SYN2: variants seen among roughly 807,000 people sequenced by gnomAD.
The protein encoded by SYN2 is synapsin II, also known as synapsin-2.
A neutral mutation model predicts 50.9 loss-of-function variants in SYN2; 19 were observed. That is an observed-to-expected ratio of 0.37 (90% CI 0.26 to 0.55). SYN2 has a LOEUF of 0.55. Ranked by LOEUF, SYN2 falls within the 20% of genes least tolerant of loss-of-function variation. SYN2 has a pLI of 0.81. For synonymous variants in SYN2, 255 were observed against 224.9 expected (o/e 1.13, Z -1.20); for missense variants, 587 against 576.4 (o/e 1.02, Z -0.19).
intron 1 of SYN2, among the ~76,000 whole-genome samples, chr3:12,053,554 A>G (rs1439696223): frequency 6.6e-6 from 1 of 152,192 alleles, no homozygotes; most frequent in East Asian, 1.9e-4. Flanking sequence ...TCTATCAAAC[A>G]TAATTATTCT....
At chr3:12,070,364 TG>T in intron 1 of SYN2, 1 of 516,830 alleles carries the variant, frequency 1.9e-6, no homozygotes. Context: ...ATGGTGGGCA[TG>T]GGTCAGAAGG....
rs867979118 is a variant in SYN2 at position 12,033,058 on chromosome 3, C to T, written c.377+28130C>T. ...TGATGGTGATGTACAGATGGGTTTT[C>T]GGTGTGGATGTCCTTTCTGTTTGTT... On this transcript the variant is annotated intron_variant, in intron 1 of 12. Coordinates refer to ENST00000621198, the MANE Select transcript of SYN2 (RefSeq NM_133625.6). Among the ~76,000 whole-genome samples, 634 of 147,748 alleles carry T rather than the reference C, an allele frequency of 4.3e-3. 7 individuals are homozygous for T. Among genetic ancestry groups the T allele is most frequent in the African/African-American group, 0.015 (582 of 39,560 alleles).
intron 12 of SYN2, among the ~76,000 whole-genome samples, chr3:12,188,011 GTGTTTC>G (rs1215973229): frequency 3.9e-5 from 1 of 25,890 alleles, no homozygotes; most frequent in East Asian, 1.1e-3. Context: ...TTCTTTGTGT[GTGTTTC>G]TTTCTTTGTA....
At chr3:12,145,949 A>T in intron 4 of SYN2, 114 bp downstream of exon 4, 9 of 1,443,244 alleles carry the variant, frequency 6.2e-6, no homozygotes, top group Non-Finnish European at 8.5e-6. Flanking sequence ...GGGTCCCTAC[A>T]TCTTCCAGGC....
Position 12,004,485 on chromosome 3 carries a change from C to A in SYN2, c.-67C>A. 2.4e-6 allele frequency: 1 copy of A among 420,012 alleles called. No homozygotes were observed. Among genetic ancestry groups the A allele is most frequent in the Admixed American group, 3.9e-5 (1 of 25,506 alleles). 26.0% of individuals were successfully genotyped at this position (420,012 alleles called of 1,614,324 possible). On this transcript the variant is annotated 5_prime_UTR_variant, in exon 1 of 13. Coordinates refer to ENST00000621198, the MANE Select transcript of SYN2 (RefSeq NM_133625.6). ...GCCTCAGTCGCCTCAATCTCGCCTT[C>A]CGCCCTCGCTCTCCCTCCGCGCCAC...
chr3:12,043,734 G>A (rs1164419286), intron 1 of SYN2, among the ~76,000 whole-genome samples: 1 of 152,146 alleles, frequency 6.6e-6, no homozygotes, highest in Admixed American at 6.5e-5. Flanking sequence ...AGTCAAAGGA[G>A]GGCCAGACAT....
rs772900245 is a variant in SYN2 at position 12,140,722 on chromosome 3, A to T, written c.435+14A>T. On this transcript the variant is annotated intron_variant, in intron 2 of 12. Coordinates refer to ENST00000621198, the MANE Select transcript of SYN2 (RefSeq NM_133625.6). ...AAGGTGGAACAGGTAATCAGCCTGAAGCCCAGAGCTGCATCCCCGTCATCA... is the reference window on the plus strand; with the variant it reads ...AAGGTGGAACAGGTAATCAGCCTGATGCCCAGAGCTGCATCCCCGTCATCA... 1.3e-6 allele frequency: 1 copy of T among 752,416 alleles called. No homozygotes were observed. 46.6% of individuals were successfully genotyped at this position (752,416 alleles called of 1,614,324 possible). A position where few individuals can be genotyped will look rare whatever the true frequency, so the allele number is the denominator to read the frequency against.
chr3:12,006,988 C>T (rs898930139), intron 1 of SYN2, among the ~76,000 whole-genome samples: 17 of 152,282 alleles, frequency 1.1e-4, no homozygotes, highest in Non-Finnish European at 5.9e-5. Context: ...ATTTCTTATC[C>T]TATTAAATGC....
chr3:12,106,514 G>C (rs757508186), intron 1 of SYN2, among the ~76,000 whole-genome samples: 13 of 152,134 alleles, frequency 8.5e-5, no homozygotes, highest in Non-Finnish European at 1.5e-4. Flanking sequence ...AGAGTCTTGA[G>C]AACAGGTTAG....
chr3:12,027,377 C>G (rs1694284522), intron 1 of SYN2, among the ~76,000 whole-genome samples: 1 of 152,142 alleles, frequency 6.6e-6, no homozygotes, highest in Non-Finnish European at 1.5e-5. Flanking sequence ...GGTTGGAAAT[C>G]AGGTTTCTAA....
At chr3:12,017,950 A>G (rs551186143) in intron 1 of SYN2, among the ~76,000 whole-genome samples, 1 of 152,374 alleles carries the variant, frequency 6.6e-6, no homozygotes, top group Admixed American at 6.5e-5. Flanking sequence ...AAGCTGACTT[A>G]TATGTGGAAA....
At chr3:12,117,183 C>A (rs1696453154) in intron 1 of SYN2, among the ~76,000 whole-genome samples, 1 of 152,180 alleles carries the variant, frequency 6.6e-6, no homozygotes, top group Non-Finnish European at 1.5e-5. Context: ...ACCCCATGTC[C>A]TTTTCCCCAC....
intron 1 of SYN2, among the ~76,000 whole-genome samples, chr3:12,011,711 C>T (rs906790231): frequency 2.0e-5 from 3 of 152,184 alleles, no homozygotes; most frequent in Admixed American, 6.5e-5. Flanking sequence ...ATGGCCTTAT[C>T]AGGTTTACAT....
At chr3:12,118,941 T>C (rs180995092) in intron 1 of SYN2, among the ~76,000 whole-genome samples, 97 of 152,346 alleles carry the variant, frequency 6.4e-4, no homozygotes, top group African/African-American at 2.1e-3. Context: ...AAATTGTTAA[T>C]GAACTATTTT....
rs531685285 is a variant in SYN2, at chr3:12,140,675, A to T, written c.402A>T (p.Lys134Asn). ...ADWAKCFRGK[K>N]VLGDYDIKVE... ...GGGCCAAGTGCTTTCGGGGCAAAAA[A>T]GTCCTTGGAGATTATGATATCAAGG... is the stretch of plus-strand genomic sequence containing the variant. Residue 134 changes from lysine (K) to asparagine (N), a missense_variant, in exon 2 of 13, where the codon AAA (lysine) becomes AAT (asparagine). By Grantham distance (94) the Lys-to-Asn change is moderately conservative. Transcript: ENST00000621198. 1 of 765,108 alleles carries T rather than the reference A, an allele frequency of 1.3e-6. No homozygotes were observed. The highest frequency in any genetic ancestry group is 1.7e-5 in the African/African-American group (1 of 59,120). The allele number at this position is 765,108 out of a possible 1,614,324, so 47.4% of individuals were successfully genotyped here.
Position 12,034,164 on chromosome 3 carries a change from A to C in SYN2, c.377+29236A>C, listed in dbSNP as rs192690578. Reference sequence around the variant, plus strand: ...ATTACCACCAGCAATTTATGGTTCCACTTTCTTCACATCCTCAGTGACAGT... The same window carrying C: ...ATTACCACCAGCAATTTATGGTTCCCCTTTCTTCACATCCTCAGTGACAGT... On this transcript the variant is annotated intron_variant, in intron 1 of 12. Coordinates refer to ENST00000621198, the MANE Select transcript of SYN2 (RefSeq NM_133625.6). Among the ~76,000 whole-genome samples, 3 of 152,138 alleles carry C rather than the reference A, an allele frequency of 2.0e-5. No homozygotes were observed. In the East Asian group the frequency reaches 5.8e-4, roughly 29 times the overall value.
intron 1 of SYN2, among the ~76,000 whole-genome samples, chr3:12,062,395 A>G (rs925115553): frequency 6.6e-6 from 1 of 151,986 alleles, no homozygotes; most frequent in Non-Finnish European, 1.5e-5. Context: ...AAAACTAGAA[A>G]TCTTCTGGAA....
rs186953841 is a variant in SYN2 at position 12,073,940 on chromosome 3, T to A, written c.378-66711T>A. Among the ~76,000 whole-genome samples, 340 of 152,296 alleles carry A rather than the reference T, an allele frequency of 2.2e-3. 3 individuals carry two copies. Among genetic ancestry groups the A allele is most frequent in the Non-Finnish European group, 3.9e-3 (262 of 68,002 alleles). ...CTATCAATTATCTAGAGAGGTTTGTTAAAATCTACCACTTCAATTGTAGAC... is the reference window on the plus strand; with the variant it reads ...CTATCAATTATCTAGAGAGGTTTGTAAAAATCTACCACTTCAATTGTAGAC... On this transcript the variant is annotated intron_variant, in intron 1 of 12. Coordinates refer to ENST00000621198, the MANE Select transcript of SYN2 (RefSeq NM_133625.6).
rs191216368 is a variant in SYN2, at chr3:12,137,943, A to T, written c.378-2708A>T. Among the ~76,000 whole-genome samples the T allele has an allele frequency of 7.9e-3, 1,198 of 152,344 alleles. 9 individuals are homozygous for T. Among genetic ancestry groups the T allele is most frequent in the East Asian group, 0.022 (114 of 5,186 alleles). On this transcript the variant is annotated intron_variant, in intron 1 of 12. Transcript: ENST00000621198. ...TTTAACCACATGATATACTATTTTT[A>T]AAAAATTTAAGCCTCCCTAAGGTCA... is the stretch of plus-strand genomic sequence containing the variant.
Sources: gnomAD v4.1 joint callset for allele counts (sites outside exome capture counted in the v4.1 genomes callset) on GRCh38, gnomAD v4.1.1 for gene constraint, MANE v1.5 for transcripts, NCBI Gene and HGNC (gene_info 2026-07-23, HGNC 2026-07-21) for gene names.